Variants in CPEB1 observed in about 807,000 individuals in gnomAD.
The protein encoded by CPEB1 is cytoplasmic polyadenylation element-binding protein 1.
In CPEB1, 7 loss-of-function variants were observed where a neutral mutation model predicts 65.8. That is an observed-to-expected ratio of 0.11 (90% CI 0.06 to 0.20). The LOEUF is 0.20. Among genes scored for constraint, CPEB1 ranks in the 10% least tolerant of loss-of-function variants. The pLI is 1.00. For missense variants in CPEB1, 551 were observed against 712.2 expected (o/e 0.77, Z 2.58); for synonymous variants, 262 against 260.0 (o/e 1.01, Z -0.08).
chr15:82,595,271 G>T (rs912934110), intron 3 of CPEB1, among the ~76,000 whole-genome samples: 1 of 152,158 alleles, frequency 6.6e-6, no homozygotes, highest in Non-Finnish European at 1.5e-5. Context: ...GAACGACACT[G>T]TTACAAATGC....
At chr15:82,631,579 T>A (rs1045041205) in intron 1 of CPEB1, among the ~76,000 whole-genome samples, 1 of 152,184 alleles carries the variant, frequency 6.6e-6, no homozygotes, top group Non-Finnish European at 1.5e-5. Flanking sequence ...AATTATGTGC[T>A]GAACCAACGA....
chr15:82,562,293 C>A, intron 4 of CPEB1: 1 of 439,250 alleles, frequency 2.3e-6, no homozygotes, highest in Non-Finnish European at 4.5e-6. Context: ...TGCTTTAGGA[C>A]CTAGAGTATT....
chr15:82,565,485 T>C (rs2151018460), intron 4 of CPEB1, among the ~76,000 whole-genome samples: 1 of 152,340 alleles, frequency 6.6e-6, no homozygotes, highest in East Asian at 1.9e-4. Context: ...TTCCCATTTA[T>C]ATTCAAAGCC....
chr15:82,594,851 G>C (rs772132043), intron 3 of CPEB1, among the ~76,000 whole-genome samples: 1 of 79,730 alleles, frequency 1.3e-5, no homozygotes, highest in South Asian at 3.4e-4. Context: ...TCAGGAAAGA[G>C]GGAGGCCCAA....
At chr15:82,628,117 G>T in intron 2 of CPEB1, 1 of 679,612 alleles carries the variant, frequency 1.5e-6, no homozygotes, top group South Asian at 1.6e-5. Context: ...AGAAGGTCAT[G>T]AAAGTCTAGA....
chr15:82,577,428 A>C (rs1213268286), intron 3 of CPEB1, among the ~76,000 whole-genome samples: 1 of 152,190 alleles, frequency 6.6e-6, no homozygotes. Context: ...CACAAAAACT[A>C]TTTTAAGTTT....
rs1470889915 is a variant in CPEB1 at position 82,629,397 on chromosome 15, T to C, written c.-97-841A>G. ...GTCATTATTAGTACATACAACTTTA[T>C]TAACTGGCATGAGAAGATGGGTAAG... On this transcript the variant is annotated intron_variant, in intron 1 of 12. Transcript: ENST00000684509. 3 of 985,136 alleles carry C rather than the reference T, an allele frequency of 3.0e-6. No individual in the cohort carries two copies. In the East Asian group the frequency reaches 3.4e-4, roughly 112 times the overall value. 61.0% of individuals were successfully genotyped at this position (985,136 alleles called of 1,614,324 possible). A position where few individuals can be genotyped will look rare whatever the true frequency, so the allele number is the denominator to read the frequency against.
chr15:82,595,273 T>C (rs947051220), intron 3 of CPEB1, among the ~76,000 whole-genome samples: 1 of 152,254 alleles, frequency 6.6e-6, no homozygotes, highest in African/African-American at 2.4e-5. Context: ...ACGACACTGT[T>C]ACAAATGCCC....
intron 3 of CPEB1, among the ~76,000 whole-genome samples, chr15:82,584,902 G>GTT (rs1491170341): frequency 4.4e-5 from 1 of 22,776 alleles, no homozygotes; most frequent in Non-Finnish European, 6.7e-5. Flanking sequence ...TTCCTAATTT[G>GTT]CTTTTTTTTT....
At chr15:82,632,412 T>A (rs552711064) in intron 1 of CPEB1, among the ~76,000 whole-genome samples, 1 of 152,206 alleles carries the variant, frequency 6.6e-6, no homozygotes, top group South Asian at 2.1e-4. Flanking sequence ...TGAATTCAGG[T>A]GTCTAATTTC....
chr15:82,603,423 G>A (rs2043288291), intron 3 of CPEB1, among the ~76,000 whole-genome samples: 1 of 151,492 alleles, frequency 6.6e-6, no homozygotes, highest in Non-Finnish European at 1.5e-5. Flanking sequence ...TTAGGCAACA[G>A]TTTAGGAACT....
At chr15:82,618,568 T>G (rs1190282389) in intron 3 of CPEB1, among the ~76,000 whole-genome samples, 1 of 152,018 alleles carries the variant, frequency 6.6e-6, no homozygotes, top group Admixed American at 6.6e-5. Context: ...TATAGACTAT[T>G]TGGGAGACAG....
rs1320751279 is a variant in CPEB1 at position 82,647,269 on chromosome 15, G to A, written c.-230C>T. 2 of 152,112 alleles carry A rather than the reference G, an allele frequency of 1.3e-5. No individual in the cohort carries two copies. Among genetic ancestry groups the A allele is most frequent in the African/African-American group, 2.4e-5 (1 of 41,402 alleles). 9.4% of individuals were successfully genotyped at this position (152,112 alleles called of 1,614,324 possible). On this transcript the variant is annotated 5_prime_UTR_variant, in exon 1 of 13. Transcript: ENST00000684509. ...GCCAAGCGAAGGTGTGAAGCCACGT[G>A]ACCTGCCCAGGATTGGGAAGCCGCA...
intron 3 of CPEB1, among the ~76,000 whole-genome samples, chr15:82,578,437 C>T (rs995754516): frequency 2.6e-5 from 4 of 152,066 alleles, no homozygotes; most frequent in Admixed American, 2.6e-4. Context: ...AGGGCACAAA[C>T]CTATGGAAAC....
At chr15:82,621,846 G>C (rs1010861295) in intron 3 of CPEB1, among the ~76,000 whole-genome samples, 1 of 152,044 alleles carries the variant, frequency 6.6e-6, no homozygotes, top group African/African-American at 2.4e-5. Context: ...ACCTTACTTA[G>C]GACTGCTTTG....
At chr15:82,573,053 CT>C in intron 3 of CPEB1, 1 of 1,535,382 alleles carries the variant, frequency 6.5e-7, no homozygotes, top group Non-Finnish European at 8.7e-7. Flanking sequence ...TTGTTCTCCC[CT>C]GTTGCAAGGA....
rs1463103764 is a variant in CPEB1, at chr15:82,552,467, C to T, written c.1281+13G>A. On this transcript the variant is annotated intron_variant, in intron 9 of 12. Coordinates refer to ENST00000684509, the MANE Select transcript of CPEB1 (RefSeq NM_001365242.1). The stretch of plus-strand genomic sequence containing the variant: ...AAGACCCTCGATCCAGAAAGGACAT[C>T]ACGCTAACTCACCTCCTTGCAGCGC... 1.3e-6 allele frequency: 2 copies of T among 1,544,604 alleles called. No individual in the cohort carries two copies. Among genetic ancestry groups the T allele is most frequent in the Admixed American group, 2.1e-5 (1 of 48,284 alleles).
rs146462261 is a variant in CPEB1, at chr15:82,630,215, G to C, written c.-97-1659C>G. 3.0e-4 allele frequency: 118 copies of C among 391,444 alleles called. 2 individuals are homozygous for C. The East Asian group carries it at 0.017, about 55-fold the overall frequency. The allele number at this position is 391,444 out of a possible 1,614,324, so 24.2% of individuals were successfully genotyped here. A position where few individuals can be genotyped will look rare whatever the true frequency, so the allele number is the denominator to read the frequency against. Reference sequence around the variant, plus strand: ...GCCTCCTGAGTAGCTGAGACTACAGGCACGTGCCATTGCCTAGCACAATCT... The same window carrying C: ...GCCTCCTGAGTAGCTGAGACTACAGCCACGTGCCATTGCCTAGCACAATCT... On this transcript the variant is annotated intron_variant, in intron 1 of 12. Coordinates refer to ENST00000684509, the MANE Select transcript of CPEB1 (RefSeq NM_001365242.1).
chr15:82,613,221 G>C (rs1283974084), intron 3 of CPEB1, among the ~76,000 whole-genome samples: 1 of 152,122 alleles, frequency 6.6e-6, no homozygotes, highest in Non-Finnish European at 1.5e-5. Context: ...TGAACAACTT[G>C]AGTTAATTCC....
Sources: allele counts gnomAD v4.1 joint callset (sites outside exome capture counted in the v4.1 genomes callset), GRCh38; gene constraint gnomAD v4.1.1; transcripts MANE v1.5; gene names NCBI Gene and HGNC (gene_info 2026-07-23, HGNC 2026-07-21).